The following NAALADL2 variants were observed in gnomAD, a reference collection of about 807,000 sequenced individuals.
NAALADL2 encodes the protein N-acetylated alpha-linked acidic dipeptidase like 2.
In NAALADL2, 76 loss-of-function variants were observed where a neutral mutation model predicts 87.2. That is an observed-to-expected ratio of 0.87 (90% CI 0.72 to 1.05). NAALADL2 has a LOEUF of 1.05. Ranked by LOEUF, NAALADL2 falls within the 50% of genes least tolerant of loss-of-function variation. The pLI, the probability that NAALADL2 is intolerant of heterozygous loss-of-function variation, is 0.00. For missense variants in NAALADL2, 1,089 were observed against 945.8 expected, an observed-to-expected ratio of 1.15 and a Z score of -1.99; for synonymous variants, 354 against 331.0, an observed-to-expected ratio of 1.07 and a Z score of -0.75.
chr3:174,539,393 C>T (rs1722015760), intron 1 of NAALADL2, among the ~76,000 whole-genome samples: 1 of 152,018 alleles, frequency 6.6e-6, no homozygotes, highest in Non-Finnish European at 1.5e-5. Context: ...AATTATGGTA[C>T]TATAATTCAC....
At chr3:175,208,589 C>T (rs1279302121) in intron 2 of NAALADL2, among the ~76,000 whole-genome samples, 1 of 152,062 alleles carries the variant, frequency 6.6e-6, no homozygotes, top group Non-Finnish European at 1.5e-5. Context: ...CAGCCAATCC[C>T]AGTAACTTGG....
intron 5 of NAALADL2, among the ~76,000 whole-genome samples, chr3:175,349,111 A>G (rs1173340650): frequency 6.6e-6 from 1 of 151,986 alleles, no homozygotes; most frequent in Admixed American, 6.6e-5. Flanking sequence ...GGGGTGACTG[A>G]AAACATGGCC....
At position 175,809,539 on chromosome 3, in the gene NAALADL2, A is replaced by C. The variant is rs1261992653; in HGVS notation, c.*6336A>C. On this transcript the variant is annotated 3_prime_UTR_variant, in exon 14 of 14. Coordinates refer to ENST00000454872, the MANE Select transcript of NAALADL2 (RefSeq NM_207015.3). ...AAAAAAAAAAAAAAAAAAAAAAAAAAGAAAAGAAAAAGTAGCTAGGCATGT... is the reference window on the plus strand; with the variant it reads ...AAAAAAAAAAAAAAAAAAAAAAAAACGAAAAGAAAAAGTAGCTAGGCATGT... 1 of 145,742 alleles carries C rather than the reference A, an allele frequency of 6.9e-6. No homozygotes were observed. The highest frequency in any genetic ancestry group is 1.5e-5 in the Non-Finnish European group (1 of 66,464). 9.0% of individuals were successfully genotyped at this position (145,742 alleles called of 1,614,324 possible). A position where few individuals can be genotyped will look rare whatever the true frequency, so the allele number is the denominator to read the frequency against.
At position 174,508,410 on chromosome 3, in the gene NAALADL2, G is replaced by T. The variant is rs375459661; in HGVS notation, c.-183-42159G>T. ...ATAGAGGCGTGTGCCACCGCACCCG[G>T]TCCCTGGGTGTATAGTAGTTTAACT... On this transcript the variant is annotated intron_variant, in intron 1 of 3. Coordinates refer to the NAALADL2 transcript ENST00000434257. Among the ~76,000 whole-genome samples, 5 of 152,188 alleles carry T rather than the reference G, an allele frequency of 3.3e-5. No individual in the cohort carries two copies. In the East Asian group the frequency reaches 5.8e-4, roughly 18 times the overall value.
At chr3:174,451,367 G>T (rs942029921) in intron 1 of NAALADL2, among the ~76,000 whole-genome samples, 16 of 152,126 alleles carry the variant, frequency 1.1e-4, no homozygotes, top group African/African-American at 3.4e-4. Flanking sequence ...TCTTTTAGTT[G>T]CTCAGTATCA....
intron 1 of NAALADL2, among the ~76,000 whole-genome samples, chr3:174,926,220 A>ATC (rs1736009536): frequency 6.6e-6 from 1 of 152,218 alleles, no homozygotes; most frequent in African/African-American, 2.4e-5. Flanking sequence ...AAAAGACCAA[A>ATC]TCTACATCTG....
chr3:174,806,725 G>C (rs1719552653), intron 3 of NAALADL2, among the ~76,000 whole-genome samples: 1 of 152,108 alleles, frequency 6.6e-6, no homozygotes, highest in African/African-American at 2.4e-5. Context: ...CACTTTCTCA[G>C]GTTGTTGTGT....
intron 2 of NAALADL2, among the ~76,000 whole-genome samples, chr3:175,113,914 A>G (rs1724638205): frequency 6.6e-6 from 1 of 151,674 alleles, no homozygotes; most frequent in Non-Finnish European, 1.5e-5. Context: ...TCTTGGAAAG[A>G]TAGTCTTGAA....
chr3:174,920,887 G>C (rs1397314851), intron 1 of NAALADL2, among the ~76,000 whole-genome samples: 2 of 152,308 alleles, frequency 1.3e-5, no homozygotes, highest in African/African-American at 4.8e-5. Flanking sequence ...GTGTGTCTGA[G>C]AAGGAGGCCT....
intron 1 of NAALADL2, among the ~76,000 whole-genome samples, chr3:174,547,118 TCAAAA>T (rs1722832463): frequency 3.3e-5 from 5 of 152,156 alleles, no homozygotes; most frequent in African/African-American, 7.2e-5. Flanking sequence ...AATGTGGGAC[TCAAAA>T]GTGTATATTT....
At position 175,803,166 on chromosome 3, in the gene NAALADL2, T is replaced by C. The variant is rs1224241084; in HGVS notation, c.2351T>C (p.Leu784Pro). Residue 784 changes from leucine to proline, a missense_variant, in exon 14 of 14, where the codon CTT (leucine) becomes CCT (proline). By Grantham distance (98) the Leu-to-Pro change is moderately conservative. Transcript: ENST00000454872. ...GCTCAGGTTTACTTCAAAGCAGGAC[T>C]TGATGTGTTCAAGAGTGTCTTGGAT... ...NSAQVYFKAG[L>P]DVFKSVLDGK... 6.2e-7 allele frequency: 1 copy of C among 1,611,708 alleles called. No homozygotes were observed. The highest frequency in any genetic ancestry group is 8.5e-7 in the Non-Finnish European group (1 of 1,178,770).
At position 175,721,220 on chromosome 3, in the gene NAALADL2, C is replaced by T. The variant is rs184990420; in HGVS notation, c.1897-16086C>T. The stretch of plus-strand genomic sequence containing the variant: ...GATTTAATGTGCCCAACCTAATAAA[C>T]GAAAAGTAAAAATAGAATATACAAT... On this transcript the variant is annotated intron_variant, in intron 11 of 13. Coordinates refer to ENST00000454872, the MANE Select transcript of NAALADL2 (RefSeq NM_207015.3). 7.9e-5 allele frequency among the ~76,000 whole-genome samples: 12 copies of T among 151,396 alleles called. No individual in the cohort carries two copies. In the East Asian group the frequency reaches 9.7e-4, roughly 12 times the overall value.
chr3:174,994,434 C>A (rs1747155772), intron 1 of NAALADL2, among the ~76,000 whole-genome samples: 1 of 152,136 alleles, frequency 6.6e-6, no homozygotes, highest in Admixed American at 6.5e-5. Context: ...ATAGCAAACA[C>A]AAATCCAAAT....
intron 1 of NAALADL2, among the ~76,000 whole-genome samples, chr3:175,092,075 G>A (rs768451788): frequency 9.9e-5 from 15 of 151,752 alleles, no homozygotes; most frequent in Admixed American, 2.0e-4. Flanking sequence ...TTAGTGTATC[G>A]CTAATGTGTT....
chr3:175,432,493 C>G (rs1197452015), intron 5 of NAALADL2, among the ~76,000 whole-genome samples: 2 of 151,982 alleles, frequency 1.3e-5, no homozygotes, highest in South Asian at 2.1e-4. Flanking sequence ...AATAAAGACT[C>G]TATAATTTTA....
intron 2 of NAALADL2, among the ~76,000 whole-genome samples, chr3:174,732,638 T>C (rs1732813551): frequency 6.6e-6 from 1 of 152,148 alleles, no homozygotes. Flanking sequence ...TAGATAGGCT[T>C]AACTTATGGT....
At chr3:174,928,187 T>C (rs1736362787) in intron 1 of NAALADL2, among the ~76,000 whole-genome samples, 1 of 152,192 alleles carries the variant, frequency 6.6e-6, no homozygotes, top group Non-Finnish European at 1.5e-5. Flanking sequence ...GTGAAAACTA[T>C]AGCACAGATG....
intron 2 of NAALADL2, among the ~76,000 whole-genome samples, chr3:175,168,570 A>G (rs1734316402): frequency 6.6e-6 from 1 of 151,918 alleles, no homozygotes; most frequent in Non-Finnish European, 1.5e-5. Context: ...GTATGAAAAT[A>G]CTGTATAAAA....
At chr3:175,376,589 T>C (rs1244970760) in intron 5 of NAALADL2, among the ~76,000 whole-genome samples, 1 of 152,304 alleles carries the variant, frequency 6.6e-6, no homozygotes, top group Admixed American at 6.5e-5. Context: ...ATGATATAGC[T>C]TGGTGTTCTG....
Sources: gnomAD v4.1 joint callset for allele counts (sites outside exome capture counted in the v4.1 genomes callset) on GRCh38, gnomAD v4.1.1 for gene constraint, MANE v1.5 for transcripts, NCBI Gene and HGNC (gene_info 2026-07-23, HGNC 2026-07-21) for gene names.